The following RNF121 variants were observed in gnomAD, a reference collection of about 807,000 sequenced individuals.
RNF121 encodes the protein ring finger protein 121, also known as E3 ubiquitin ligase RNF121.
A neutral mutation model predicts 46.5 loss-of-function variants in RNF121; 21 were observed. That is an observed-to-expected ratio of 0.45 (90% confidence interval 0.32 to 0.65). RNF121 has a LOEUF of 0.65. Ranked by LOEUF, RNF121 falls within the 30% of genes least tolerant of loss-of-function variation. The pLI is 0.04. For missense variants in RNF121, 346 were observed against 416.0 expected (o/e 0.83, Z 1.46); for synonymous variants, 139 against 144.7 (o/e 0.96, Z 0.28).
intron 3 of RNF121, among the ~76,000 whole-genome samples, chr11:71,967,611 C>G (rs778666353): frequency 2.5e-4 from 38 of 151,864 alleles, no homozygotes; most frequent in Non-Finnish European, 4.4e-4. Flanking sequence ...ATTTTTAGTA[C>G]GTGGTTTCAC....
rs3829215 is a variant in RNF121 at position 71,996,443 on chromosome 11, T to C, written c.*128T>C. 1,080,238 of 1,124,822 alleles carry C rather than the reference T, an allele frequency of 0.96. 519,707 individuals carry two copies. Among genetic ancestry groups the C allele is most frequent in the Non-Finnish European group, 0.98 (784,610 of 801,004 alleles). 69.7% of individuals were successfully genotyped at this position (1,124,822 alleles called of 1,614,324 possible). On this transcript the variant is annotated 3_prime_UTR_variant, in exon 9 of 9. Transcript: ENST00000361756. ...GTGCTTGGGCCACTCAGGACCCCTC[T>C]GGCTGTGTCGGACTGGGGAGGGATA... is the stretch of plus-strand genomic sequence containing the variant.
chr11:71,989,070 TTTTGTTTGTTTG>T (rs10654699), intron 5 of RNF121, among the ~76,000 whole-genome samples: 6 of 150,166 alleles, frequency 4.0e-5, no homozygotes, highest in Admixed American at 1.3e-4. Context: ...CATTATGGTT[TTTTGTTTGTTTG>T]TTTGTTTGTT....
At chr11:71,976,757 C>T (rs1954535172) in intron 3 of RNF121, among the ~76,000 whole-genome samples, 2 of 152,252 alleles carry the variant, frequency 1.3e-5, no homozygotes, top group Non-Finnish European at 1.5e-5. Flanking sequence ...AACTGAAACC[C>T]CTAAGCCTGT....
At chr11:71,960,161 G>A (rs905450258) in intron 2 of RNF121, among the ~76,000 whole-genome samples, 2 of 152,218 alleles carry the variant, frequency 1.3e-5, no homozygotes, top group African/African-American at 4.8e-5. Context: ...TGTGGATACT[G>A]AGGGTAAAGT....
intron 1 of RNF121, among the ~76,000 whole-genome samples, chr11:71,940,009 A>G (rs960911734): frequency 3.3e-5 from 5 of 152,240 alleles, no homozygotes; most frequent in Non-Finnish European, 5.9e-5. Context: ...AGCATTAAAG[A>G]AGACTTCCGA....
At chr11:71,953,737 TGAAA>T (rs1254904083) in intron 1 of RNF121, among the ~76,000 whole-genome samples, 1 of 152,080 alleles carries the variant, frequency 6.6e-6, no homozygotes, top group East Asian at 1.9e-4. Flanking sequence ...TGTGGTTTGG[TGAAA>T]GAAAGGGCCT....
chr11:71,995,462 C>T lies in RNF121; in HGVS notation c.774C>T (p.Phe258=). ...RLSCNHVFHE[F]CIRGWCIVGK... ...CAGCGGTGCTCAGCTTCCACGAGTT[C>T]TGCATCCGTGGCTGGTGCATCGTGG... The change falls in exon 8 of 9, where the codon TTC becomes TTT. Residue 258 remains phenylalanine (F), a synonymous_variant. Transcript: ENST00000361756. 1 of 1,583,068 alleles carries T rather than the reference C, an allele frequency of 6.3e-7. No homozygotes were observed.
At chr11:71,969,616 G>A (rs1458672884) in intron 3 of RNF121, among the ~76,000 whole-genome samples, 1 of 152,146 alleles carries the variant, frequency 6.6e-6, no homozygotes, top group Admixed American at 6.6e-5. Context: ...AGTCTGGAGT[G>A]TGGTGGCATG....
chr11:71,959,637 C>CTTTTT (rs893968966), intron 2 of RNF121, among the ~76,000 whole-genome samples: 2 of 138,246 alleles, frequency 1.4e-5, no homozygotes, highest in Admixed American at 7.2e-5. Flanking sequence ...CTCTCTTCTT[C>CTTTTT]TTTTTTTTTT....
At chr11:71,995,209 C>T (rs955616868) in intron 7 of RNF121, 2 of 583,804 alleles carry the variant, frequency 3.4e-6, no homozygotes, top group African/African-American at 3.7e-5. Flanking sequence ...ATTTACCCAG[C>T]TCCCATTCTC....
At chr11:71,947,752 A>T (rs1475408622) in intron 1 of RNF121, among the ~76,000 whole-genome samples, 1 of 152,202 alleles carries the variant, frequency 6.6e-6, no homozygotes, top group Non-Finnish European at 1.5e-5. Context: ...TAGTAGGATG[A>T]TGCAATCAGG....
intron 3 of RNF121, among the ~76,000 whole-genome samples, chr11:71,979,897 C>A (rs184567632): frequency 2.6e-3 from 390 of 152,318 alleles, no homozygotes; most frequent in African/African-American, 9.1e-3. Flanking sequence ...GTTTTGTAAA[C>A]AGCCCCATGA....
At chr11:71,982,036 G>A (rs1359960035) in intron 3 of RNF121, among the ~76,000 whole-genome samples, 1 of 152,180 alleles carries the variant, frequency 6.6e-6, no homozygotes, top group Non-Finnish European at 1.5e-5. Context: ...AGAAAGGCAG[G>A]CAGGTGGGAA....
At chr11:71,979,337 A>T (rs1263187574) in intron 3 of RNF121, among the ~76,000 whole-genome samples, 1 of 152,002 alleles carries the variant, frequency 6.6e-6, no homozygotes, top group South Asian at 2.1e-4. Context: ...CTGGGCTTCT[A>T]CTCCACCATC....
chr11:71,972,061 T>G lies in RNF121; in HGVS notation c.244-10700T>G, dbSNP rs73531941. Among the ~76,000 whole-genome samples the G allele has an allele frequency of 8.5e-3, 1,299 of 152,262 alleles. 11 individuals are homozygous for G. The highest frequency in any genetic ancestry group is 0.03 in the African/African-American group (1,246 of 41,548). On this transcript the variant is annotated intron_variant, in intron 3 of 8. Coordinates refer to ENST00000361756, the MANE Select transcript of RNF121 (RefSeq NM_018320.5). ...TTGTTTTACAGTTAAAAGCAATACATTAAGTACCTGTAGGAACTTGGGAGG... is the reference window on the plus strand; with the variant it reads ...TTGTTTTACAGTTAAAAGCAATACAGTAAGTACCTGTAGGAACTTGGGAGG...
In RNF121 at chr11:71,987,039, T is replaced by C. The variant is rs1954785227; in HGVS notation, c.434T>C (p.Ile145Thr). The change falls in exon 5 of 9, where the codon ATC (isoleucine) becomes ACC (threonine). Residue 145 changes from isoleucine to threonine, a missense_variant. Ile to Thr is a moderately conservative substitution (Grantham distance 89). Around this residue, in one of 2 missense-constraint regions of RNF121, gnomAD observed 286 missense variants for 383.8 expected, o/e 0.75. Transcript: ENST00000361756. ...VYKWFLLIYKISYATGIVGYM... is the reference protein window; with the variant it reads ...VYKWFLLIYKTSYATGIVGYM... ...AAGTGGTTCCTGCTAATCTATAAAA[T>C]CAGCTATGCCACTGGCATTGTTGGC... The C allele has an allele frequency of 2.5e-6, 4 of 1,613,942 alleles. No individual in the cohort carries two copies. Among genetic ancestry groups the C allele is most frequent in the Non-Finnish European group, 2.5e-6 (3 of 1,179,858 alleles).
chr11:71,989,074 G>GTTTGTTTA, intron 5 of RNF121, among the ~76,000 whole-genome samples: 1 of 141,728 alleles, frequency 7.1e-6, no homozygotes, highest in Non-Finnish European at 1.5e-5. Flanking sequence ...ATGGTTTTTT[G>GTTTGTTTA]TTTGTTTGTT....
At chr11:71,950,112 A>G (rs1286451072) in intron 1 of RNF121, among the ~76,000 whole-genome samples, 1 of 152,184 alleles carries the variant, frequency 6.6e-6, no homozygotes, top group East Asian at 1.9e-4. Flanking sequence ...ATCAGTTGTT[A>G]GTATGAAAGG....
intron 3 of RNF121, among the ~76,000 whole-genome samples, chr11:71,981,969 C>A (rs1954668858): frequency 6.6e-6 from 1 of 152,062 alleles, no homozygotes. Context: ...GCACTTTCTG[C>A]CTGGAAAGGA....
Sources: gnomAD v4.1 joint callset for allele counts (sites outside exome capture counted in the v4.1 genomes callset) on GRCh38, gnomAD v4.1.1 for gene constraint, gnomAD v4.1.1 regional missense constraint, MANE v1.5 for transcripts, NCBI Gene and HGNC (gene_info 2026-07-23, HGNC 2026-07-21) for gene names.